Variants in PPARA observed in about 807,000 individuals in gnomAD.
The protein encoded by PPARA is peroxisome proliferator activated receptor alpha.
A neutral mutation model predicts 42.2 loss-of-function variants in PPARA; 22 were observed. The observed-to-expected ratio is 0.52, with a 90% CI of 0.37 to 0.74. The LOEUF (loss-of-function observed/expected upper bound fraction) is 0.74, where lower values mean the gene tolerates loss of function less well. Among genes scored for constraint, PPARA ranks in the 30% least tolerant of loss-of-function variants. The probability of loss-of-function intolerance (pLI) is 0.00; values close to 1 mark genes in which losing one functional copy is unlikely to be tolerated. For missense variants in PPARA, 465 were observed against 608.2 expected (o/e 0.76, Z 2.48); for synonymous variants, 242 against 239.3 (o/e 1.01, Z -0.10).
chr22:46,217,686 A>C (rs1934609469), intron 5 of PPARA, among the ~76,000 whole-genome samples: 1 of 152,170 alleles, frequency 6.6e-6, no homozygotes, highest in East Asian at 1.9e-4. Flanking sequence ...GTGTTTTCCC[A>C]AGTCAGATGA....
At chr22:46,154,245 G>A (rs753082062) in intron 2 of PPARA, among the ~76,000 whole-genome samples, 1 of 152,086 alleles carries the variant, frequency 6.6e-6, no homozygotes, top group East Asian at 1.9e-4. Context: ...TATTTTTGCC[G>A]GGACATCTTA....
rs1393804227 is a variant in PPARA, at chr22:46,191,083, C to T, written c.-42-7259C>T. Among the ~76,000 whole-genome samples the T allele has an allele frequency of 2.6e-5, 4 of 152,086 alleles. No individual in the cohort carries two copies. The highest frequency in any genetic ancestry group is 2.6e-4 in the Admixed American group (4 of 15,264). ...TGGTGTGTGCCTGTAGTCCCAGCTACTCAGGAGGCTGAGGCACGAGAATCG... is the reference window on the plus strand; with the variant it reads ...TGGTGTGTGCCTGTAGTCCCAGCTATTCAGGAGGCTGAGGCACGAGAATCG... On this transcript the variant is annotated intron_variant, in intron 3 of 8. Transcript: ENST00000407236. This position sits in a 1 kb window ranked among gnomAD's most constrained non-coding sequence, Gnocchi z 4.6.
chr22:46,209,675 A>C (rs575270672), intron 4 of PPARA, among the ~76,000 whole-genome samples: 1 of 152,156 alleles, frequency 6.6e-6, no homozygotes, highest in African/African-American at 2.4e-5. Flanking sequence ...GTTTTCACCC[A>C]TGTATCTATA....
At position 46,156,711 on chromosome 22, in the gene PPARA, C is replaced by A. The variant is rs1427230292; in HGVS notation, c.-127+4741C>A. 1 of 152,292 alleles carries A rather than the reference C, an allele frequency of 6.6e-6. No individual in the cohort carries two copies. Among genetic ancestry groups the A allele is most frequent in the African/African-American group, 2.4e-5 (1 of 41,446 alleles). The allele number at this position is 152,292 out of a possible 1,614,324, so 9.4% of individuals were successfully genotyped here. A position where few individuals can be genotyped will look rare whatever the true frequency, so the allele number is the denominator to read the frequency against. On this transcript the variant is annotated intron_variant, in intron 2 of 8. Transcript: ENST00000407236. This position sits in a 1 kb window ranked among gnomAD's most constrained non-coding sequence, Gnocchi z 5.2. ...CCGCCTCCCGGGTTCAAGCAATTCT[C>A]CCACCTCAGCCTCCTAAGTAGCTGG... is the stretch of plus-strand genomic sequence containing the variant.
chr22:46,223,901 G>C (rs1028667956), intron 7 of PPARA, among the ~76,000 whole-genome samples: 1 of 146,906 alleles, frequency 6.8e-6, no homozygotes, highest in African/African-American at 2.5e-5. Flanking sequence ...AGGGAGCCGA[G>C]ATCACACCGG....
At position 46,212,438 on chromosome 22, in the gene PPARA, C is replaced by A. The variant is rs960924116; in HGVS notation, c.209-2735C>A. 6.6e-6 allele frequency among the ~76,000 whole-genome samples: 1 copy of A among 152,190 alleles called. No homozygotes were observed. Among genetic ancestry groups the A allele is most frequent in the African/African-American group, 2.4e-5 (1 of 41,448 alleles). Reference sequence around the variant, plus strand: ...CTATTCAACCCTGCCTCTCCCACCCCCAGCCAGCTCAGAAATGGTTCTTTT... The same window carrying A: ...CTATTCAACCCTGCCTCTCCCACCCACAGCCAGCTCAGAAATGGTTCTTTT... On this transcript the variant is annotated intron_variant, in intron 4 of 8. Transcript: ENST00000407236. This position sits in a 1 kb window ranked among gnomAD's most constrained non-coding sequence, Gnocchi z 4.2.
At position 46,211,793 on chromosome 22, in the gene PPARA, C is replaced by T. The variant is rs1253544040; in HGVS notation, c.209-3380C>T. ...CTCCGTCTCCTGGGTTCAAGCCATTCTGCTGCCTCAGCTTCCCGAGTAGCT... is the reference window on the plus strand; with the variant it reads ...CTCCGTCTCCTGGGTTCAAGCCATTTTGCTGCCTCAGCTTCCCGAGTAGCT... On this transcript the variant is annotated intron_variant, in intron 4 of 8. Transcript: ENST00000407236. This position sits in a 1 kb window ranked among gnomAD's most constrained non-coding sequence, Gnocchi z 4.1. 6.6e-6 allele frequency among the ~76,000 whole-genome samples: 1 copy of T among 151,700 alleles called. No individual in the cohort carries two copies. Among genetic ancestry groups the T allele is most frequent in the Non-Finnish European group, 1.5e-5 (1 of 67,924 alleles).
intron 2 of PPARA, among the ~76,000 whole-genome samples, chr22:46,170,135 T>G (rs1057170257): frequency 5.3e-5 from 8 of 151,932 alleles, no homozygotes; most frequent in African/African-American, 1.9e-4. Context: ...AGAAAAACAT[T>G]TGTTCTGCAA....
In PPARA at chr22:46,238,350, C is replaced by T. The variant is rs566336055; in HGVS notation, c.*2970C>T. On this transcript the variant is annotated 3_prime_UTR_variant, in exon 9 of 9. Coordinates refer to ENST00000407236, the MANE Select transcript of PPARA (RefSeq NM_005036.6). This position sits in a 1 kb window ranked among gnomAD's most constrained non-coding sequence, Gnocchi z 8.3. Reference sequence around the variant, plus strand: ...TACTCAAATATAGGCTGATTATGCCCCAGTTCAAATGGGAACTATTAACAG... The same window carrying T: ...TACTCAAATATAGGCTGATTATGCCTCAGTTCAAATGGGAACTATTAACAG... 1 of 152,300 alleles carries T rather than the reference C, an allele frequency of 6.6e-6. No individual in the cohort carries two copies. Among genetic ancestry groups the T allele is most frequent in the African/African-American group, 2.4e-5 (1 of 41,556 alleles). 9.4% of individuals were successfully genotyped at this position (152,300 alleles called of 1,614,324 possible). A position where few individuals can be genotyped will look rare whatever the true frequency, so the allele number is the denominator to read the frequency against.
chr22:46,190,612 G>A lies in PPARA; in HGVS notation c.-42-7730G>A, dbSNP rs1392855245. ...ACAAAAATACAAAAATTAGCTGGGGGTGGTGGCAGCGCCTGTAGTCCAAAC... is the reference window on the plus strand; with the variant it reads ...ACAAAAATACAAAAATTAGCTGGGGATGGTGGCAGCGCCTGTAGTCCAAAC... On this transcript the variant is annotated intron_variant, in intron 3 of 8. Coordinates refer to ENST00000407236, the MANE Select transcript of PPARA (RefSeq NM_005036.6). The surrounding 1 kb of genome is among the most constrained non-coding windows in gnomAD (Gnocchi z 5.6). 6.6e-6 allele frequency among the ~76,000 whole-genome samples: 1 copy of A among 152,124 alleles called. No homozygotes were observed. Among genetic ancestry groups the A allele is most frequent in the Non-Finnish European group, 1.5e-5 (1 of 68,020 alleles).
intron 7 of PPARA, among the ~76,000 whole-genome samples, chr22:46,223,670 G>A (rs59090840): frequency 1.5e-5 from 2 of 136,484 alleles, no homozygotes; most frequent in African/African-American, 2.8e-5. Flanking sequence ...AGGGCCAGGC[G>A]TGGTTGCTCA....
At chr22:46,205,405 A>G (rs1335354091) in intron 4 of PPARA, among the ~76,000 whole-genome samples, 1 of 148,094 alleles carries the variant, frequency 6.8e-6, no homozygotes, top group Non-Finnish European at 1.5e-5. Context: ...TTATTTGTAG[A>G]GACGGGGTTT....
rs745852679 is a variant in PPARA, at chr22:46,163,041, C to T, written c.-127+11071C>T. Among the ~76,000 whole-genome samples the T allele has an allele frequency of 6.6e-6, 1 of 152,186 alleles. No individual in the cohort carries two copies. The highest frequency in any genetic ancestry group is 1.5e-5 in the Non-Finnish European group (1 of 68,038). ...CTGCATCGCATAACTGGCAGACTCC[C>T]AGCTTCAAGGAGAGGCACGGAGGGA... On this transcript the variant is annotated intron_variant, in intron 2 of 8. Coordinates refer to ENST00000407236, the MANE Select transcript of PPARA (RefSeq NM_005036.6). The surrounding 1 kb of genome is among the most constrained non-coding windows in gnomAD (Gnocchi z 4.9).
Position 46,233,755 on chromosome 22 carries a change from A to C in PPARA, c.1160-1378A>C, listed in dbSNP as rs1396456915. ...TATGTATATAGAAAAATGTCCAGTG[A>C]GATATATGTTAAACCTATTATGGTG... On this transcript the variant is annotated intron_variant, in intron 8 of 8. Coordinates refer to ENST00000407236, the MANE Select transcript of PPARA (RefSeq NM_005036.6). The surrounding 1 kb of genome is among the most constrained non-coding windows in gnomAD (Gnocchi z 7.3). Among the ~76,000 whole-genome samples, 1 of 152,116 alleles carries C rather than the reference A, an allele frequency of 6.6e-6. No individual in the cohort carries two copies. The highest frequency in any genetic ancestry group is 1.5e-5 in the Non-Finnish European group (1 of 68,024).
chr22:46,202,644 C>T (rs1439378552), intron 4 of PPARA, among the ~76,000 whole-genome samples: 2 of 151,914 alleles, frequency 1.3e-5, no homozygotes, highest in Non-Finnish European at 2.9e-5. Flanking sequence ...TTCTTATGAT[C>T]CAATTAATGT....
rs747535479 is a variant in PPARA, at chr22:46,188,132, T to A, written c.-42-10210T>A. Among the ~76,000 whole-genome samples, 1 of 152,142 alleles carries A rather than the reference T, an allele frequency of 6.6e-6. No individual in the cohort carries two copies. Among genetic ancestry groups the A allele is most frequent in the Non-Finnish European group, 1.5e-5 (1 of 68,030 alleles). ...CCACAGCTATGTGAATTATCCCAGG[T>A]CAGACCAGTAGAAGAGCCACCTGGC... On this transcript the variant is annotated intron_variant, in intron 3 of 8. Transcript: ENST00000407236. This position sits in a 1 kb window ranked among gnomAD's most constrained non-coding sequence, Gnocchi z 5.0.
rs568537043 is a variant in PPARA, at chr22:46,221,465, C to T, written c.711+1451C>T. Among the ~76,000 whole-genome samples, 7 of 152,198 alleles carry T rather than the reference C, an allele frequency of 4.6e-5. No individual in the cohort carries two copies. Among genetic ancestry groups the T allele is most frequent in the African/African-American group, 9.6e-5 (4 of 41,458 alleles). ...GACAAACATGCCTACATTCTTTTTC[C>T]GCCTTCAGTGAAAAGACAGTGACAT... On this transcript the variant is annotated intron_variant, in intron 7 of 8. Transcript: ENST00000407236. The surrounding 1 kb of genome is among the most constrained non-coding windows in gnomAD (Gnocchi z 5.9).
In PPARA at chr22:46,171,297, C is replaced by T. The variant is rs1396139153; in HGVS notation, c.-126-5456C>T. ...GAAGATTCGTGCATTCTAGTTCAAA[C>T]TCCACCAGATATTTGAGCTCCTTCT... On this transcript the variant is annotated intron_variant, in intron 2 of 8. Transcript: ENST00000407236. This position sits in a 1 kb window ranked among gnomAD's most constrained non-coding sequence, Gnocchi z 5.0. 6.6e-6 allele frequency: 1 copy of T among 152,252 alleles called. No homozygotes were observed. Among genetic ancestry groups the T allele is most frequent in the Non-Finnish European group, 1.5e-5 (1 of 68,104 alleles). 9.4% of individuals were successfully genotyped at this position (152,252 alleles called of 1,614,324 possible).
At chr22:46,174,205 AG>A (rs1928583536) in intron 2 of PPARA, among the ~76,000 whole-genome samples, 1 of 46,292 alleles carries the variant, frequency 2.2e-5, no homozygotes, top group African/African-American at 1.0e-4. Flanking sequence ...AGAGAGAGAG[AG>A]AGAGAGAGAG....
Sources: allele counts gnomAD v4.1 joint callset (sites outside exome capture counted in the v4.1 genomes callset), GRCh38; gene constraint gnomAD v4.1.1; non-coding constraint Gnocchi (gnomAD v3.1); transcripts MANE v1.5; gene names NCBI Gene and HGNC (gene_info 2026-07-23, HGNC 2026-07-21).